ZNF804B: variants seen among roughly 807,000 people sequenced by gnomAD.
The protein encoded by ZNF804B is zinc finger protein 804B.
A neutral mutation model predicts 101.4 loss-of-function variants in ZNF804B; 80 were observed. The ratio of observed to expected loss-of-function variants is 0.79; its 90% CI spans 0.66 to 0.95. The LOEUF (loss-of-function observed/expected upper bound fraction) is 0.95, where lower values mean the gene tolerates loss of function less well. Among genes scored for constraint, ZNF804B ranks in the 40% least tolerant of loss-of-function variants. The probability of loss-of-function intolerance (pLI) is 0.00; values close to 1 mark genes in which losing one functional copy is unlikely to be tolerated. For synonymous variants in ZNF804B, 622 were observed against 558.8 expected (o/e 1.11, Z -1.59); for missense variants, 1,673 against 1,561.9 (o/e 1.07, Z -1.20).
intron 1 of ZNF804B, among the ~76,000 whole-genome samples, chr7:88,853,346 T>C (rs1186178680): frequency 6.6e-6 from 1 of 151,996 alleles, no homozygotes; most frequent in Non-Finnish European, 1.5e-5. Context: ...GCAGAAGAAA[T>C]ATGTAAAGGA....
chr7:89,098,803 A>G (rs1790008571), intron 1 of ZNF804B, among the ~76,000 whole-genome samples: 1 of 151,914 alleles, frequency 6.6e-6, no homozygotes, highest in Non-Finnish European at 1.5e-5. Context: ...ATGACTCTGA[A>G]CTGTAAACTG....
At chr7:88,829,660 T>G (rs2115779418) in intron 1 of ZNF804B, among the ~76,000 whole-genome samples, 1 of 152,268 alleles carries the variant, frequency 6.6e-6, no homozygotes, top group Admixed American at 6.5e-5. Flanking sequence ...GGAAGTGTGT[T>G]ATGTTAGTGA....
intron 1 of ZNF804B, among the ~76,000 whole-genome samples, chr7:88,882,318 A>G (rs1194361327): frequency 1.3e-5 from 2 of 152,156 alleles, no homozygotes; most frequent in Admixed American, 6.6e-5. Context: ...TAAAACCACA[A>G]TGAAATACCA....
Position 88,854,387 on chromosome 7 carries a change from A to ATTTCTTTCTTTC in ZNF804B, c.108+94318_108+94329dup, listed in dbSNP as rs1214109627. Among the ~76,000 whole-genome samples, 204 of 109,124 alleles carry ATTTCTTTCTTTC rather than the reference A, an allele frequency of 1.9e-3. 3 individuals carry two copies. The highest frequency in any genetic ancestry group is 3.1e-3 in the Admixed American group (33 of 10,612). 71.6% of individuals were successfully genotyped at this position (109,124 alleles called of 152,430 possible). On this transcript the variant is annotated intron_variant, in intron 1 of 3. Coordinates refer to ENST00000333190, the MANE Select transcript of ZNF804B (RefSeq NM_181646.5). The stretch of plus-strand genomic sequence containing the variant: ...TACTGCATTTTTCTTTCTGTACTGC[A>ATTTCTTTCTTTC]TTTCTTTCTTTCTTTCTTTCTTTCT...
At chr7:88,948,571 C>T (rs1453144196) in intron 1 of ZNF804B, among the ~76,000 whole-genome samples, 1 of 151,862 alleles carries the variant, frequency 6.6e-6, no homozygotes, top group Non-Finnish European at 1.5e-5. Flanking sequence ...CTGACTGACC[C>T]CCTGCCTGTA....
intron 1 of ZNF804B, among the ~76,000 whole-genome samples, chr7:88,882,724 C>T (rs563572985): frequency 6.6e-6 from 1 of 151,962 alleles, no homozygotes; most frequent in Admixed American, 6.6e-5. Flanking sequence ...TGCAGCTAGA[C>T]CATAAGTCTA....
At chr7:89,194,869 T>C (rs867290058) in intron 1 of ZNF804B, among the ~76,000 whole-genome samples, 3 of 152,060 alleles carry the variant, frequency 2.0e-5, no homozygotes, top group South Asian at 2.1e-4. Flanking sequence ...GGTTGCTTGA[T>C]GGGGATGGCA....
chr7:88,862,394 T>C (rs1367144184), intron 1 of ZNF804B, among the ~76,000 whole-genome samples: 1 of 152,122 alleles, frequency 6.6e-6, no homozygotes, highest in Non-Finnish European at 1.5e-5. Context: ...ATCTGAGTAT[T>C]TATGTCAAGG....
At chr7:89,226,084 G>T (rs1365033901) in intron 2 of ZNF804B, among the ~76,000 whole-genome samples, 1 of 152,004 alleles carries the variant, frequency 6.6e-6, no homozygotes, top group African/African-American at 2.4e-5. Context: ...AATTTGAAGA[G>T]ATTTTAAAAG....
intron 1 of ZNF804B, among the ~76,000 whole-genome samples, chr7:89,051,541 T>A (rs1262719358): frequency 2.6e-5 from 4 of 152,150 alleles, no homozygotes; most frequent in Non-Finnish European, 5.9e-5. Context: ...GTCCAGCAAA[T>A]ACCAATTTTA....
At chr7:88,858,293 G>A (rs188259753) in intron 1 of ZNF804B, among the ~76,000 whole-genome samples, 17 of 152,134 alleles carry the variant, frequency 1.1e-4, no homozygotes, top group African/African-American at 3.6e-4. Context: ...CCAACATAAA[G>A]CCTCTTGTAG....
At chr7:89,131,441 A>G (rs756269786) in intron 1 of ZNF804B, among the ~76,000 whole-genome samples, 3 of 151,998 alleles carry the variant, frequency 2.0e-5, no homozygotes, top group Non-Finnish European at 4.4e-5. Context: ...AAACTAAATA[A>G]GAAGAAAAGA....
At chr7:88,873,478 A>T (rs1289999873) in intron 1 of ZNF804B, among the ~76,000 whole-genome samples, 1 of 152,048 alleles carries the variant, frequency 6.6e-6, no homozygotes, top group Non-Finnish European at 1.5e-5. Flanking sequence ...GTTTAATTAG[A>T]TCCCATTTGT....
intron 1 of ZNF804B, among the ~76,000 whole-genome samples, chr7:88,912,035 T>C (rs1289233009): frequency 6.6e-6 from 1 of 151,978 alleles, no homozygotes. Flanking sequence ...ACATTTGTAA[T>C]GCTTTGTAAT....
At chr7:89,078,672 C>G (rs1247586173) in intron 1 of ZNF804B, among the ~76,000 whole-genome samples, 2 of 147,366 alleles carry the variant, frequency 1.4e-5, no homozygotes, top group Admixed American at 6.7e-5. Flanking sequence ...TGTTACCTCT[C>G]TTACATATTT....
intron 1 of ZNF804B, among the ~76,000 whole-genome samples, chr7:89,014,634 A>G (rs1467074709): frequency 2.0e-5 from 3 of 152,136 alleles, no homozygotes; most frequent in African/African-American, 4.8e-5. Flanking sequence ...TTTGAAAAAT[A>G]TATTTCTTGG....
In ZNF804B at chr7:88,863,106, G is replaced by A. The variant is rs1336258594; in HGVS notation, c.108+103022G>A. Among the ~76,000 whole-genome samples the A allele has an allele frequency of 2.0e-5, 3 of 152,060 alleles. 1 individual carries two copies. Among genetic ancestry groups the A allele is most frequent in the Non-Finnish European group, 1.5e-5 (1 of 68,032 alleles). On this transcript the variant is annotated intron_variant, in intron 1 of 3. Coordinates refer to ENST00000333190, the MANE Select transcript of ZNF804B (RefSeq NM_181646.5). ...AGCTTCATCTTGTACTACTGTCTCCGTGCTCACTATGCTACAGCAACACTT... is the reference window on the plus strand; with the variant it reads ...AGCTTCATCTTGTACTACTGTCTCCATGCTCACTATGCTACAGCAACACTT...
chr7:89,129,476 T>C (rs2116377370), intron 1 of ZNF804B, among the ~76,000 whole-genome samples: 1 of 152,116 alleles, frequency 6.6e-6, no homozygotes, highest in African/African-American at 2.4e-5. Context: ...CCAAGCAACC[T>C]AACATAACAG....
At chr7:89,202,132 C>T (rs945380273) in intron 1 of ZNF804B, among the ~76,000 whole-genome samples, 1 of 152,046 alleles carries the variant, frequency 6.6e-6, no homozygotes, top group African/African-American at 2.4e-5. Context: ...GCATTCATAT[C>T]ATAACTAAAT....
Sources: gnomAD v4.1 joint callset for allele counts (sites outside exome capture counted in the v4.1 genomes callset) on GRCh38, gnomAD v4.1.1 for gene constraint, MANE v1.5 for transcripts, NCBI Gene and HGNC (gene_info 2026-07-23, HGNC 2026-07-21) for gene names.